The following GPC6 variants were observed in gnomAD, a reference collection of about 807,000 sequenced individuals.
GPC6 encodes glypican 6.
In GPC6, 14 loss-of-function variants were observed where a neutral mutation model predicts 55.2. The observed-to-expected ratio is 0.25, with a 90% CI of 0.17 to 0.40. GPC6 has a LOEUF of 0.40. Ranked by LOEUF, GPC6 falls within the 10% of genes least tolerant of loss-of-function variation. The pLI, the probability that GPC6 is intolerant of heterozygous loss-of-function variation, is 1.00. For missense variants in GPC6, 641 were observed against 708.5 expected, an observed-to-expected ratio of 0.90 and a Z score of 1.08; for synonymous variants, 278 against 259.6, an observed-to-expected ratio of 1.07 and a Z score of -0.68.
chr13:94,171,629 A>T (rs1414278950), intron 4 of GPC6, among the ~76,000 whole-genome samples: 1 of 152,212 alleles, frequency 6.6e-6, no homozygotes. Context: ...CTGAATTGTA[A>T]AAAGGGATTT....
intron 2 of GPC6, among the ~76,000 whole-genome samples, chr13:93,656,877 T>C (rs1463602396): frequency 5.3e-5 from 8 of 151,878 alleles, no homozygotes; most frequent in Non-Finnish European, 1.2e-4. Context: ...AATAAAATAC[T>C]TAGGAATACA....
At chr13:94,249,435 C>T (rs1891286907) in intron 4 of GPC6, among the ~76,000 whole-genome samples, 1 of 147,344 alleles carries the variant, frequency 6.8e-6, no homozygotes, top group South Asian at 2.1e-4. Flanking sequence ...AGAGGCTTAT[C>T]CTGGACAAAG....
At chr13:93,377,271 G>A (rs1018821579) in intron 1 of GPC6, among the ~76,000 whole-genome samples, 1 of 152,194 alleles carries the variant, frequency 6.6e-6, no homozygotes, top group African/African-American at 2.4e-5. Context: ...CCGTATGAAA[G>A]TCCAAGAAGT....
At position 94,117,652 on chromosome 13, in the gene GPC6, CA is replaced by C. The variant is rs1177331007; in HGVS notation, c.877+89759del. 3.6e-4 allele frequency among the ~76,000 whole-genome samples: 55 copies of C among 152,200 alleles called. 1 individual carries two copies. Among genetic ancestry groups the C allele is most frequent in the African/African-American group, 1.3e-3 (53 of 41,554 alleles). ...ATGCCAGGTTCAGTGTTAGGACCTG[CA>C]GACAAGAAGAGAACAAAGTAAGTGG... is the stretch of plus-strand genomic sequence containing the variant. On this transcript the variant is annotated intron_variant, in intron 4 of 8. Coordinates refer to ENST00000377047, the MANE Select transcript of GPC6 (RefSeq NM_005708.5).
chr13:93,473,889 T>C (rs376174458), intron 1 of GPC6, among the ~76,000 whole-genome samples: 79 of 152,278 alleles, frequency 5.2e-4, no homozygotes, highest in Middle Eastern at 3.4e-3. Flanking sequence ...CACCTGGCTA[T>C]GTGAAGGTGG....
intron 1 of GPC6, among the ~76,000 whole-genome samples, chr13:93,507,153 C>T (rs889024631): frequency 3.3e-5 from 5 of 150,838 alleles, no homozygotes; most frequent in African/African-American, 1.2e-4. Flanking sequence ...GTGGAGCATC[C>T]CTGTGAAAGA....
chr13:94,275,938 C>T (rs902935038), intron 4 of GPC6, among the ~76,000 whole-genome samples: 1 of 152,106 alleles, frequency 6.6e-6, no homozygotes, highest in Non-Finnish European at 1.5e-5. Context: ...AACATATCAA[C>T]GTTTGAGACT....
chr13:93,555,015 T>C (rs978693890), intron 2 of GPC6, among the ~76,000 whole-genome samples: 2 of 152,178 alleles, frequency 1.3e-5, no homozygotes, highest in Non-Finnish European at 2.9e-5. Flanking sequence ...GACTTGAACA[T>C]GAAAAGCAAA....
chr13:93,938,808 A>C (rs1566612862), intron 3 of GPC6, among the ~76,000 whole-genome samples: 1 of 152,158 alleles, frequency 6.6e-6, no homozygotes, highest in African/African-American at 2.4e-5. Flanking sequence ...TTGTAATTAA[A>C]AATGAAGGTG....
chr13:93,930,771 A>ATATT (rs151205705), intron 3 of GPC6, among the ~76,000 whole-genome samples: 1,700 of 152,214 alleles, frequency 0.011, 33 homozygotes, highest in African/African-American at 0.04. Context: ...CAGAGTATAT[A>ATATT]AGTCCATTTG....
intron 2 of GPC6, among the ~76,000 whole-genome samples, chr13:93,552,817 G>A (rs1875231658): frequency 1.3e-5 from 2 of 152,364 alleles, no homozygotes; most frequent in South Asian, 4.1e-4. Context: ...TTAATGAGCA[G>A]ACAAGTATCC....
chr13:94,018,428 T>G (rs1882566622), intron 3 of GPC6, among the ~76,000 whole-genome samples: 1 of 152,106 alleles, frequency 6.6e-6, no homozygotes, highest in Non-Finnish European at 1.5e-5. Context: ...TAATTGTACC[T>G]ACAGGCACAT....
At chr13:93,454,285 C>T (rs1174208068) in intron 1 of GPC6, among the ~76,000 whole-genome samples, 1 of 151,032 alleles carries the variant, frequency 6.6e-6, no homozygotes. Context: ...ACAGAGTGTC[C>T]ATTGGTGTAC....
At chr13:93,758,106 C>T (rs1304015264) in intron 2 of GPC6, among the ~76,000 whole-genome samples, 1 of 152,140 alleles carries the variant, frequency 6.6e-6, no homozygotes, top group Non-Finnish European at 1.5e-5. Context: ...GGAAGTGCAA[C>T]CACATTAACT....
At position 93,830,535 on chromosome 13, in the gene GPC6, G is replaced by A; in HGVS notation, c.701G>A (p.Arg234Gln). The change falls in exon 3 of 9, where the codon CGA (arginine) becomes CAA (glutamine). Residue 234 changes from arginine (R) to glutamine (Q), a missense_variant. Physicochemically the swap from Arg to Gln is conservative, Grantham distance 43. Transcript: ENST00000377047. ...GLTVGREVAN[R>Q]VSKVSPTPGC... ...ACTGTGGGCAGAGAAGTTGCAAACC[G>A]AGTTTCCAAGGTAATTGAAAACGTG... 3.1e-6 allele frequency: 5 copies of A among 1,600,976 alleles called. No individual in the cohort carries two copies. The highest frequency in any genetic ancestry group is 3.4e-6 in the Non-Finnish European group (4 of 1,174,188).
chr13:93,290,097 A>T (rs17267585), intron 1 of GPC6, among the ~76,000 whole-genome samples: 37,486 of 151,996 alleles, frequency 0.25, 4,826 homozygotes, highest in African/African-American at 0.31. Context: ...AAGGAGGTTA[A>T]TGTAACGAGA....
At chr13:93,610,249 C>T (rs1160308943) in intron 2 of GPC6, among the ~76,000 whole-genome samples, 1 of 152,182 alleles carries the variant, frequency 6.6e-6, no homozygotes, top group African/African-American at 2.4e-5. Flanking sequence ...TTCAAAGAAG[C>T]TAGAAGTTGT....
At chr13:93,355,476 A>C (rs906833867) in intron 1 of GPC6, among the ~76,000 whole-genome samples, 3 of 152,206 alleles carry the variant, frequency 2.0e-5, no homozygotes, top group Admixed American at 6.5e-5. Flanking sequence ...TTGGGAGGTA[A>C]GAAGAGAAGT....
intron 1 of GPC6, among the ~76,000 whole-genome samples, chr13:93,232,886 A>G (rs1284798314): frequency 6.6e-6 from 1 of 152,120 alleles, no homozygotes; most frequent in East Asian, 1.9e-4. Flanking sequence ...AATGATTTTA[A>G]TCTTTTGATC....
Sources: allele counts gnomAD v4.1 joint callset (sites outside exome capture counted in the v4.1 genomes callset), GRCh38; gene constraint gnomAD v4.1.1; transcripts MANE v1.5; gene names NCBI Gene and HGNC (gene_info 2026-07-23, HGNC 2026-07-21).